SCN1A: variants seen among roughly 807,000 people sequenced by gnomAD.
SCN1A encodes sodium channel protein type 1 subunit alpha.
A neutral mutation model predicts 193.7 loss-of-function variants in SCN1A; 13 were observed. That is an observed-to-expected ratio of 0.07 (90% CI 0.04 to 0.11). The LOEUF is 0.11. Among genes scored for constraint, SCN1A ranks in the 10% least tolerant of loss-of-function variants. The probability of loss-of-function intolerance (pLI) is 1.00; values close to 1 mark genes in which losing one functional copy is unlikely to be tolerated. For synonymous variants in SCN1A, 781 were observed against 843.6 expected (o/e 0.93, Z 1.29); for missense variants, 1,432 against 2,451.1 (o/e 0.58, Z 8.78).
intron 2 of SCN1A, among the ~76,000 whole-genome samples, chr2:166,093,018 C>T (rs558407545): frequency 1.6e-4 from 24 of 151,988 alleles, no homozygotes; most frequent in African/African-American, 4.3e-4. Flanking sequence ...ACGCTGATCA[C>T]GGGGCACTCA....
At chr2:166,092,514 G>A (rs1344789550) in intron 2 of SCN1A, 1 of 152,138 alleles carries the variant, frequency 6.6e-6, no homozygotes, top group African/African-American at 2.4e-5. Context: ...GTTAGAACAG[G>A]TCATATCTTT....
chr2:166,081,201 C>G (rs1159940665), intron 2 of SCN1A, among the ~76,000 whole-genome samples: 1 of 151,822 alleles, frequency 6.6e-6, no homozygotes, highest in Non-Finnish European at 1.5e-5. Flanking sequence ...TAAAGTAATC[C>G]TAACCCATGA....
intron 2 of SCN1A, among the ~76,000 whole-genome samples, chr2:166,114,241 C>T (rs2106210232): frequency 6.6e-6 from 1 of 152,148 alleles, no homozygotes; most frequent in Admixed American, 6.5e-5. Flanking sequence ...GAGAGTTGTT[C>T]AATGTTAATA....
At chr2:166,138,819 A>C (rs1365690939) in intron 1 of SCN1A, among the ~76,000 whole-genome samples, 1 of 152,108 alleles carries the variant, frequency 6.6e-6, no homozygotes, top group Admixed American at 6.5e-5. Flanking sequence ...GTTCCTGGAA[A>C]AGCCACACTT....
At position 165,991,401 on chromosome 2, in the gene SCN1A, G is replaced by A. The variant is rs951275940; in HGVS notation, c.5874C>T (p.Asp1958=). ...TTTCATTTATTCTGTCAATTATCAT[G>A]TCTTCTTTTATAAGAAGATTAGCCC... ...KGGANLLIKE[D]MIIDRINENS... Residue 1958 remains aspartate (D), a synonymous_variant, in exon 29 of 29, where the codon GAC becomes GAT. Coordinates refer to ENST00000674923, the MANE Select transcript of SCN1A (RefSeq NM_001165963.4). The A allele has an allele frequency of 5.6e-6, 9 of 1,613,500 alleles. No homozygotes were observed. The African/African-American group carries it at 6.7e-5, about 12-fold the overall frequency.
At chr2:166,026,929 C>A (rs1214353962) in intron 19 of SCN1A, among the ~76,000 whole-genome samples, 1 of 151,758 alleles carries the variant, frequency 6.6e-6, no homozygotes, top group Non-Finnish European at 1.5e-5. Flanking sequence ...GTGATTCGCC[C>A]GCCTCGGCCT....
chr2:166,085,946 A>G (rs907083812), intron 2 of SCN1A, among the ~76,000 whole-genome samples: 1 of 152,202 alleles, frequency 6.6e-6, no homozygotes, highest in Non-Finnish European at 1.5e-5. Flanking sequence ...GATGAAAGGC[A>G]GAGATAATTT....
At chr2:166,143,722 C>A (rs1413206058) in intron 1 of SCN1A, among the ~76,000 whole-genome samples, 2 of 152,144 alleles carry the variant, frequency 1.3e-5, no homozygotes, top group Non-Finnish European at 2.9e-5. Flanking sequence ...CTAATTCAGG[C>A]TCTCAGTTGA....
intron 1 of SCN1A, among the ~76,000 whole-genome samples, chr2:166,143,886 A>G (rs781093588): frequency 1.6e-4 from 24 of 152,220 alleles, no homozygotes; most frequent in Non-Finnish European, 3.2e-4. Context: ...CTTTAAGACT[A>G]AAGAGGGAAG....
intron 19 of SCN1A, among the ~76,000 whole-genome samples, chr2:166,023,869 G>A (rs752339304): frequency 2.6e-5 from 4 of 151,668 alleles, no homozygotes; most frequent in South Asian, 2.1e-4. Context: ...TCTGCCTCCC[G>A]GGCTCAAGCG....
Position 166,002,761 on chromosome 2 carries a change from A to G in SCN1A, c.4003-8T>C, listed in dbSNP as rs1553525411. 4 of 1,599,290 alleles carry G rather than the reference A, an allele frequency of 2.5e-6. No individual in the cohort carries two copies. The highest frequency in any genetic ancestry group is 3.4e-6 in the Non-Finnish European group (4 of 1,174,772). On this transcript the variant is annotated splice_polypyrimidine_tract_variant and splice_region_variant and intron_variant, in intron 23 of 28. Coordinates refer to ENST00000674923, the MANE Select transcript of SCN1A (RefSeq NM_001165963.4). ...AAGGGCATTCACAACCACCTAATAC[A>G]CAAATGGAAAAAAAGAAAAGTCAGA...
At chr2:166,001,479 T>A (rs557997222) in intron 24 of SCN1A, among the ~76,000 whole-genome samples, 11 of 151,780 alleles carry the variant, frequency 7.2e-5, no homozygotes, top group African/African-American at 2.7e-4. Flanking sequence ...GCTTAGTTAG[T>A]CTTCTGGTTG....
At chr2:166,054,508 A>G in intron 7 of SCN1A, 130 bp downstream of exon 7, 2 of 959,248 alleles carry the variant, frequency 2.1e-6, no homozygotes, top group Non-Finnish European at 3.2e-6. Context: ...TGCTAAATTG[A>G]AATCCAGAGT....
rs115929109 is a variant in SCN1A, at chr2:166,066,066, T to G, written c.264+7292A>C. ...TCTGTAAAATTGCTTGTTCCTATGC[T>G]TTAGCTGGGTGGAGGGTTGGGGCCA... On this transcript the variant is annotated intron_variant, in intron 4 of 28. Coordinates refer to ENST00000674923, the MANE Select transcript of SCN1A (RefSeq NM_001165963.4). Among the ~76,000 whole-genome samples, 1,494 of 152,214 alleles carry G rather than the reference T, an allele frequency of 9.8e-3. 32 individuals are homozygous for G. The highest frequency in any genetic ancestry group is 0.033 in the African/African-American group (1,367 of 41,540).
chr2:166,137,447 G>C (rs1205725626), intron 1 of SCN1A: 1 of 152,162 alleles, frequency 6.6e-6, no homozygotes, highest in East Asian at 1.9e-4. Flanking sequence ...GGAGGTAATT[G>C]AATCATGGTG....
chr2:166,015,852 A>G, intron 19 of SCN1A, 125 bp from the exon 20 acceptor site: 1 of 1,058,112 alleles, frequency 9.5e-7, no homozygotes, highest in East Asian at 2.5e-5. Context: ...TTTTAGAGAA[A>G]AAGAGAGATT....
chr2:166,041,568 A>AT (rs34513398), intron 15 of SCN1A, 99 bp from the exon 16 acceptor site: 95 of 868,278 alleles, frequency 1.1e-4, no homozygotes, highest in Middle Eastern at 6.8e-4. Flanking sequence ...TAATCAACAC[A>AT]TTTTTGTTAC....
At chr2:166,072,537 T>C (rs1242210115) in intron 4 of SCN1A, among the ~76,000 whole-genome samples, 1 of 152,206 alleles carries the variant, frequency 6.6e-6, no homozygotes, top group Non-Finnish European at 1.5e-5. Flanking sequence ...GTAAAAATGT[T>C]ATTTTACAGG....
chr2:166,133,612 T>C (rs1289355815), intron 1 of SCN1A, among the ~76,000 whole-genome samples: 1 of 152,174 alleles, frequency 6.6e-6, no homozygotes, highest in East Asian at 1.9e-4. Flanking sequence ...GCTCTGTATA[T>C]ATCTTTAATT....
Sources: allele counts gnomAD v4.1 joint callset (sites outside exome capture counted in the v4.1 genomes callset), GRCh38; gene constraint gnomAD v4.1.1; transcripts MANE v1.5; gene names NCBI Gene and HGNC (gene_info 2026-07-23, HGNC 2026-07-21).